Variants in CDH13 observed in about 807,000 individuals in gnomAD.
CDH13 encodes the protein cadherin-13.
In CDH13, 24 loss-of-function variants were observed where a neutral mutation model predicts 63.8. The ratio of observed to expected loss-of-function variants is 0.38; its 90% CI spans 0.27 to 0.53. CDH13 has a LOEUF of 0.53. CDH13 is among the 20% of genes least tolerant of loss of function. The pLI is 0.85. For missense variants in CDH13, 1,049 were observed against 903.1 expected (o/e 1.16, Z -2.07); for synonymous variants, 503 against 355.3 (o/e 1.42, Z -4.67).
intron 6 of CDH13, among the ~76,000 whole-genome samples, chr16:83,453,399 A>G (rs1178714174): frequency 6.6e-6 from 1 of 152,174 alleles, no homozygotes; most frequent in Admixed American, 6.5e-5. Context: ...GAAAAACAAC[A>G]TTGATCATGA....
intron 4 of CDH13, among the ~76,000 whole-genome samples, chr16:83,201,151 C>G (rs900640968): frequency 2.0e-5 from 3 of 152,100 alleles, no homozygotes; most frequent in African/African-American, 7.2e-5. Context: ...TCCTTTTTTC[C>G]TGACCATATG....
intron 3 of CDH13, among the ~76,000 whole-genome samples, chr16:83,089,223 G>C (rs12920161): frequency 7.9e-5 from 12 of 152,098 alleles, no homozygotes; most frequent in Admixed American, 5.9e-4. Context: ...CAGAACCAAG[G>C]ATGAATTCCA....
At position 82,669,124 on chromosome 16, in the gene CDH13, G is replaced by T. The variant is rs117585350; in HGVS notation, c.45+41987G>T. Among the ~76,000 whole-genome samples, 370 of 152,306 alleles carry T rather than the reference G, an allele frequency of 2.4e-3. 4 individuals are homozygous for T. The East Asian group carries it at 0.058, about 24-fold the overall frequency. ...GCATTTAGGACTTCCTGAGGCTCAG[G>T]TATGAGCAATGCTGCCCAAGTGCAT... On this transcript the variant is annotated intron_variant, in intron 1 of 13. Transcript: ENST00000567109.
intron 3 of CDH13, among the ~76,000 whole-genome samples, chr16:83,121,409 G>A (rs928043406): frequency 3.9e-5 from 6 of 152,224 alleles, no homozygotes; most frequent in Admixed American, 3.9e-4. Context: ...TGATTAAGGA[G>A]GGATAAGATT....
intron 1 of CDH13, among the ~76,000 whole-genome samples, chr16:82,674,567 C>G (rs1299820408): frequency 6.6e-6 from 1 of 152,166 alleles, no homozygotes; most frequent in Admixed American, 6.5e-5. Context: ...AATTCATCAC[C>G]TGAGAAGTCC....
intron 2 of CDH13, among the ~76,000 whole-genome samples, chr16:82,867,972 A>G (rs1166237867): frequency 6.6e-6 from 1 of 152,228 alleles, no homozygotes; most frequent in Non-Finnish European, 1.5e-5. Flanking sequence ...TTTAAAAATA[A>G]CAATGATAAT....
At chr16:83,122,451 C>A (rs2035624288) in intron 3 of CDH13, among the ~76,000 whole-genome samples, 1 of 152,182 alleles carries the variant, frequency 6.6e-6, no homozygotes, top group Non-Finnish European at 1.5e-5. Context: ...AGAGCAAACA[C>A]CCTGACAGTG....
intron 10 of CDH13, among the ~76,000 whole-genome samples, chr16:83,719,792 C>G (rs1185640261): frequency 1.3e-5 from 2 of 152,174 alleles, no homozygotes; most frequent in East Asian, 1.9e-4. Flanking sequence ...CACTCCCTCT[C>G]CATCACACAC....
intron 6 of CDH13, among the ~76,000 whole-genome samples, chr16:83,404,879 C>G (rs2092018993): frequency 6.6e-6 from 1 of 152,168 alleles, no homozygotes; most frequent in South Asian, 2.1e-4. Flanking sequence ...TCTTTAATGG[C>G]TATGTGATGT....
chr16:83,106,404 G>A (rs964378360), intron 3 of CDH13, among the ~76,000 whole-genome samples: 5 of 152,120 alleles, frequency 3.3e-5, no homozygotes, highest in African/African-American at 7.2e-5. Flanking sequence ...AGCTGGGCAT[G>A]GTGGCATGTG....
intron 3 of CDH13, among the ~76,000 whole-genome samples, chr16:83,064,427 A>G (rs1284650816): frequency 6.6e-6 from 1 of 152,210 alleles, no homozygotes; most frequent in Admixed American, 6.6e-5. Context: ...TTTTAGCAAC[A>G]TCATCCAGTA....
intron 4 of CDH13, among the ~76,000 whole-genome samples, chr16:83,197,586 C>T (rs1041703359): frequency 2.0e-5 from 3 of 152,094 alleles, no homozygotes; most frequent in Non-Finnish European, 4.4e-5. Context: ...GAGAACAGAT[C>T]AGTGGCTGCC....
chr16:83,009,898 C>T (rs1197794825), intron 2 of CDH13, among the ~76,000 whole-genome samples: 1 of 152,050 alleles, frequency 6.6e-6, no homozygotes, highest in Admixed American at 6.6e-5. Flanking sequence ...CTTTGGGAGG[C>T]CAAGGCAGGT....
intron 7 of CDH13, among the ~76,000 whole-genome samples, chr16:83,521,911 G>T (rs1448880172): frequency 6.6e-6 from 1 of 152,240 alleles, no homozygotes; most frequent in African/African-American, 2.4e-5. Context: ...GGTCGTTGAA[G>T]TTTAAATGAA....
chr16:83,302,024 G>C (rs1465663411), intron 5 of CDH13, among the ~76,000 whole-genome samples: 1 of 151,882 alleles, frequency 6.6e-6, no homozygotes, highest in African/African-American at 2.4e-5. Flanking sequence ...TAAAATCCCA[G>C]CTAGTCCATT....
intron 6 of CDH13, among the ~76,000 whole-genome samples, chr16:83,414,097 C>G (rs1366867102): frequency 6.6e-6 from 1 of 152,164 alleles, no homozygotes; most frequent in Non-Finnish European, 1.5e-5. Context: ...TGCTTACCAA[C>G]CTGCTATAGT....
At chr16:83,140,278 G>A (rs1156435709) in intron 4 of CDH13, among the ~76,000 whole-genome samples, 1 of 152,084 alleles carries the variant, frequency 6.6e-6, no homozygotes, top group Non-Finnish European at 1.5e-5. Flanking sequence ...TGACCATCTT[G>A]TGCTCATGCA....
rs577871443 is a variant in CDH13 at position 83,293,354 on chromosome 16, C to T, written c.637-51508C>T. Reference sequence around the variant, plus strand: ...CCCCATGCCTTCTGGGGTCCTTGCTCTAATTTGGGAGATACAACACATAGA... The same window carrying T: ...CCCCATGCCTTCTGGGGTCCTTGCTTTAATTTGGGAGATACAACACATAGA... On this transcript the variant is annotated intron_variant, in intron 5 of 13. Transcript: ENST00000567109. Among the ~76,000 whole-genome samples the T allele has an allele frequency of 2.6e-5, 4 of 152,240 alleles. No homozygotes were observed. The South Asian group carries it at 8.3e-4, about 32-fold the overall frequency.
chr16:83,223,272 C>A (rs572678501), intron 5 of CDH13, among the ~76,000 whole-genome samples: 1 of 152,160 alleles, frequency 6.6e-6, no homozygotes, highest in African/African-American at 2.4e-5. Context: ...GCACCTTGCA[C>A]CCTCCAGAAG....
Sources: allele counts gnomAD v4.1 joint callset (sites outside exome capture counted in the v4.1 genomes callset), GRCh38; gene constraint gnomAD v4.1.1; transcripts MANE v1.5; gene names NCBI Gene and HGNC (gene_info 2026-07-23, HGNC 2026-07-21).